The following APP variants were observed in gnomAD, a reference collection of about 807,000 sequenced individuals.
The protein encoded by APP is amyloid-beta precursor protein.
A neutral mutation model predicts 101.4 loss-of-function variants in APP; 31 were observed. The ratio of observed to expected loss-of-function variants is 0.31; its 90% CI spans 0.23 to 0.41. APP has a LOEUF of 0.41. APP is among the 10% of genes least tolerant of loss of function. APP has a pLI of 1.00. For missense variants in APP, 839 were observed against 1,003.7 expected (o/e 0.84, Z 2.22); for synonymous variants, 366 against 364.4 (o/e 1.00, Z -0.05).
At chr21:26,150,899 T>C (rs1298704525) in intron 1 of APP, among the ~76,000 whole-genome samples, 1 of 152,254 alleles carries the variant, frequency 6.6e-6, no homozygotes. Flanking sequence ...AGTTACAGTA[T>C]TGTATTTTTT....
chr21:25,921,638 C>A lies in APP; in HGVS notation c.1688-9676G>T, dbSNP rs371500515. The stretch of plus-strand genomic sequence containing the variant: ...CTAGAAAATCTAGAAGAAATGGATA[C>A]ATTCCTCGACACATACACTCTCCCA... On this transcript the variant is annotated intron_variant, in intron 13 of 17. Coordinates refer to ENST00000346798, the MANE Select transcript of APP (RefSeq NM_000484.4). 1.4e-4 allele frequency among the ~76,000 whole-genome samples: 16 copies of A among 115,618 alleles called. 1 individual carries two copies. In the East Asian group the frequency reaches 2.7e-3, roughly 20 times the overall value. 75.8% of individuals were successfully genotyped at this position (115,618 alleles called of 152,430 possible).
intron 3 of APP, among the ~76,000 whole-genome samples, chr21:26,070,169 T>A (rs2046616845): frequency 6.6e-6 from 1 of 152,196 alleles, no homozygotes; most frequent in Admixed American, 6.5e-5. Context: ...TTTATCAACA[T>A]CCCTTTTGAA....
chr21:26,106,212 C>T (rs910972820), intron 2 of APP, among the ~76,000 whole-genome samples: 1 of 152,134 alleles, frequency 6.6e-6, no homozygotes, highest in African/African-American at 2.4e-5. Flanking sequence ...GGAAGGTAAG[C>T]AGAAACAAAA....
intron 1 of APP, among the ~76,000 whole-genome samples, chr21:26,116,891 T>G (rs2146220941): frequency 6.6e-6 from 1 of 152,016 alleles, no homozygotes; most frequent in Middle Eastern, 3.4e-3. Context: ...ATCTCAGTAT[T>G]TTTTTTTGGA....
intron 13 of APP, among the ~76,000 whole-genome samples, chr21:25,913,636 A>G (rs2039192229): frequency 6.6e-6 from 1 of 152,244 alleles, no homozygotes; most frequent in Non-Finnish European, 1.5e-5. Context: ...AACCTTTGCC[A>G]GCGAGAAAGC....
At chr21:26,033,232 G>C (rs2044923412) in intron 5 of APP, among the ~76,000 whole-genome samples, 1 of 152,188 alleles carries the variant, frequency 6.6e-6, no homozygotes, top group South Asian at 2.1e-4. Context: ...GATCATGGGA[G>C]TGGTTTCCCC....
chr21:25,931,967 TC>T (rs1020259308), intron 13 of APP, among the ~76,000 whole-genome samples: 2 of 152,194 alleles, frequency 1.3e-5, no homozygotes, highest in African/African-American at 4.8e-5. Context: ...CACATTAGAT[TC>T]CCCAAAAGGG....
At chr21:26,128,240 T>C (rs1007097745) in intron 1 of APP, among the ~76,000 whole-genome samples, 8 of 152,320 alleles carry the variant, frequency 5.3e-5, no homozygotes, top group African/African-American at 1.9e-4. Flanking sequence ...GTCTACATAG[T>C]ATTTTTAAAC....
intron 11 of APP, among the ~76,000 whole-genome samples, chr21:25,968,324 T>TC (rs1273908251): frequency 5.5e-5 from 8 of 144,338 alleles, no homozygotes; most frequent in African/African-American, 2.0e-4. Flanking sequence ...AAAAAAATCT[T>TC]TTTTTTTTTT....
chr21:26,160,430 T>C (rs527916366), intron 1 of APP, among the ~76,000 whole-genome samples: 1 of 152,272 alleles, frequency 6.6e-6, no homozygotes, highest in South Asian at 2.1e-4. Flanking sequence ...ACACAAAACA[T>C]TCAAAATAAG....
chr21:25,920,777 T>C (rs944606204), intron 13 of APP, among the ~76,000 whole-genome samples: 4 of 140,456 alleles, frequency 2.8e-5, no homozygotes, highest in Non-Finnish European at 6.2e-5. Context: ...ACATTAATAA[T>C]GGGAGACTTT....
chr21:26,030,243 T>G (rs937599548), intron 5 of APP, among the ~76,000 whole-genome samples: 6 of 152,220 alleles, frequency 3.9e-5, no homozygotes, highest in African/African-American at 1.4e-4. Flanking sequence ...CTATTCTGAA[T>G]CCTAAGAATT....
At position 26,041,314 on chromosome 21, in the gene APP, C is replaced by A. The variant is rs1431408445; in HGVS notation, c.662+9686G>T. ...AGTCCTATCTAAATTAGGGGTTTTA[C>A]ACTGAAGATACAAATATCCAGATGG... On this transcript the variant is annotated intron_variant, in intron 5 of 17. Transcript: ENST00000346798. Among the ~76,000 whole-genome samples, 3 of 152,172 alleles carry A rather than the reference C, an allele frequency of 2.0e-5. No homozygotes were observed. In the East Asian group the frequency reaches 5.8e-4, roughly 29 times the overall value.
chr21:26,042,243 G>A (rs1006711101), intron 5 of APP, among the ~76,000 whole-genome samples: 25 of 152,132 alleles, frequency 1.6e-4, no homozygotes, highest in African/African-American at 6.0e-4. Flanking sequence ...AAGATATATA[G>A]TCAAATACAG....
At chr21:25,933,347 C>G (rs1418265488) in intron 13 of APP, among the ~76,000 whole-genome samples, 1 of 152,152 alleles carries the variant, frequency 6.6e-6, no homozygotes, top group Non-Finnish European at 1.5e-5. Context: ...AAGTGATTTT[C>G]CCACCTCGGC....
At chr21:25,954,772 T>G in intron 12 of APP, 83 bp from the exon 13 acceptor site, 1 of 1,231,110 alleles carries the variant, frequency 8.1e-7, no homozygotes, top group Non-Finnish European at 1.2e-6. Flanking sequence ...CTTTTTTTTT[T>G]GAGACGGAGT....
chr21:25,968,842 A>C (rs1220403659), intron 11 of APP, among the ~76,000 whole-genome samples: 1 of 152,336 alleles, frequency 6.6e-6, no homozygotes, highest in Non-Finnish European at 1.5e-5. Flanking sequence ...CTAAGTGGTA[A>C]CATCTACAGA....
chr21:26,004,573 T>A (rs2043440334), intron 6 of APP, among the ~76,000 whole-genome samples: 1 of 152,236 alleles, frequency 6.6e-6, no homozygotes, highest in Non-Finnish European at 1.5e-5. Context: ...ATTACAGGCG[T>A]GAGGCACCGC....
At chr21:26,148,018 A>G (rs983853498) in intron 1 of APP, among the ~76,000 whole-genome samples, 1 of 152,228 alleles carries the variant, frequency 6.6e-6, no homozygotes. Flanking sequence ...ATGCACTGAT[A>G]AAATGTTAAC....
Sources: gnomAD v4.1 joint callset for allele counts (sites outside exome capture counted in the v4.1 genomes callset) on GRCh38, gnomAD v4.1.1 for gene constraint, MANE v1.5 for transcripts, NCBI Gene and HGNC (gene_info 2026-07-23, HGNC 2026-07-21) for gene names.